GAB3: variants seen among roughly 807,000 people sequenced by gnomAD.
GAB3 encodes the protein GRB2 associated binding protein 3.
In GAB3, 12 loss-of-function variants were observed where a neutral mutation model predicts 40.4. The observed-to-expected ratio is 0.30, with a 90% CI of 0.19 to 0.48. The LOEUF is 0.48. GAB3 is among the 20% of genes least tolerant of loss of function. The probability of loss-of-function intolerance (pLI) is 0.99; values close to 1 mark genes in which losing one functional copy is unlikely to be tolerated. For synonymous variants in GAB3, 154 were observed against 176.7 expected, an observed-to-expected ratio of 0.87 and a Z score of 1.02; for missense variants, 381 against 461.9, an observed-to-expected ratio of 0.82 and a Z score of 1.61.
chrX:154,687,561 G>A (rs1395318032), intron 8 of GAB3, among the ~76,000 whole-genome samples: 1 of 105,710 alleles, frequency 9.5e-6, no homozygotes, highest in Non-Finnish European at 2.0e-5. Context: ...ATGAACCTGG[G>A]GGGCGGAGCT....
In GAB3 at chrX:154,738,777, G is replaced by A. The variant is rs190313391; in HGVS notation, c.72+12177C>T. On this transcript the variant is annotated intron_variant, in intron 1 of 9. Transcript: ENST00000424127. The stretch of plus-strand genomic sequence containing the variant: ...CCCTGGACTAAGTCGCCTTGCCTAG[G>A]AAAGATTTTTTTAAAAAGGATATCT... Among the ~76,000 whole-genome samples the A allele has an allele frequency of 7.3e-4, 82 of 112,080 alleles. 3 individuals are homozygous for A. The East Asian group carries it at 0.01, about 14-fold the overall frequency.
intron 2 of GAB3, among the ~76,000 whole-genome samples, chrX:154,714,568 G>A (rs1317923724): frequency 1.8e-5 from 2 of 111,801 alleles, no homozygotes; most frequent in African/African-American, 3.3e-5. Flanking sequence ...AAACTGAGGC[G>A]GGGGGCTACA....
intron 4 of GAB3, among the ~76,000 whole-genome samples, chrX:154,710,131 G>GTGCACCT (rs1239690031): frequency 9.0e-6 from 1 of 111,486 alleles, no homozygotes; most frequent in East Asian, 2.8e-4. Context: ...CCTTGAATAT[G>GTGCACCT]TGCAATCTTT....
At chrX:154,713,742 CATATATATATATAT>C (rs59885867) in intron 2 of GAB3, among the ~76,000 whole-genome samples, 1,928 of 19,647 alleles carry the variant, frequency 0.098, 91 homozygotes, top group Middle Eastern at 0.25. Flanking sequence ...AACTAACAAA[CATATATATATATAT>C]ATATATATAT....
At chrX:154,721,611 C>T (rs1557258712) in intron 1 of GAB3, among the ~76,000 whole-genome samples, 2 of 112,405 alleles carry the variant, frequency 1.8e-5, no homozygotes, top group Non-Finnish European at 3.8e-5. Flanking sequence ...GTTTCCAACA[C>T]ATGAACTTTG....
At chrX:154,723,239 T>C (rs187133227) in intron 1 of GAB3, among the ~76,000 whole-genome samples, 1 of 112,317 alleles carries the variant, frequency 8.9e-6, no homozygotes, top group African/African-American at 3.2e-5. Flanking sequence ...AGGGCACATT[T>C]GTGGATTCAT....
At chrX:154,679,633 T>G (rs1305905475) in intron 9 of GAB3, among the ~76,000 whole-genome samples, 2 of 111,939 alleles carry the variant, frequency 1.8e-5, no homozygotes, top group Admixed American at 1.9e-4. Context: ...CAATTAATCC[T>G]CACAACAGCC....
Position 154,693,831 on chromosome X carries a change from A to C in GAB3, c.1530+2086T>G, listed in dbSNP as rs2070609178. On this transcript the variant is annotated intron_variant, in intron 8 of 9. Coordinates refer to ENST00000424127, the MANE Select transcript of GAB3 (RefSeq NM_001081573.3). ...TAGAACTCTACTATAAAAGCCTTAC[A>C]AAGCTGTTGAAATCAAAGGGCTTGA... Among the ~76,000 whole-genome samples, 3 of 112,325 alleles carry C rather than the reference A, an allele frequency of 2.7e-5. 1 individual carries two copies. The highest frequency in any genetic ancestry group is 5.6e-5 in the Non-Finnish European group (3 of 53,293).
chrX:154,726,589 C>T (rs1189416501), intron 1 of GAB3, among the ~76,000 whole-genome samples: 2 of 111,883 alleles, frequency 1.8e-5, no homozygotes, highest in Non-Finnish European at 3.8e-5. Context: ...ATTATGTTTC[C>T]AATCTGGATC....
At chrX:154,736,356 A>G (rs1205593366) in intron 1 of GAB3, among the ~76,000 whole-genome samples, 1 of 112,465 alleles carries the variant, frequency 8.9e-6, no homozygotes, top group African/African-American at 3.2e-5. Context: ...TTTAAGCATT[A>G]AGCATCAGTG....
At chrX:154,696,178 C>A (rs969419430) in intron 7 of GAB3, 159 bp from the exon 8 acceptor site, 1 of 330,313 alleles carries the variant, frequency 3.0e-6, no homozygotes, top group Non-Finnish European at 5.4e-6. Context: ...AAATGCCCAA[C>A]AGTTTCTGCT....
intron 8 of GAB3, among the ~76,000 whole-genome samples, chrX:154,682,040 A>G (rs1476595284): frequency 4.5e-5 from 5 of 112,057 alleles, no homozygotes; most frequent in Non-Finnish European, 7.5e-5. Flanking sequence ...ATGTCTTTCA[A>G]TAAGTTTTAA....
intron 4 of GAB3, among the ~76,000 whole-genome samples, chrX:154,703,205 G>A (rs782182310): frequency 3.6e-5 from 4 of 112,120 alleles, no homozygotes; most frequent in Admixed American, 9.4e-5. Context: ...GCACGCATAT[G>A]TTCATTTCAG....
At chrX:154,708,379 G>A (rs940307690) in intron 4 of GAB3, among the ~76,000 whole-genome samples, 3 of 111,802 alleles carry the variant, frequency 2.7e-5, no homozygotes, top group Non-Finnish European at 5.6e-5. Context: ...ATAAACAAGC[G>A]GAGCTACATC....
chrX:154,707,167 CA>C (rs1276649815), intron 4 of GAB3, among the ~76,000 whole-genome samples: 4 of 111,236 alleles, frequency 3.6e-5, no homozygotes, highest in African/African-American at 1.3e-4. Flanking sequence ...CTCATGAACA[CA>C]GATTTTTTTT....
intron 2 of GAB3, among the ~76,000 whole-genome samples, chrX:154,715,603 C>G (rs1392307883): frequency 3.6e-5 from 4 of 111,815 alleles, no homozygotes; most frequent in African/African-American, 1.3e-4. Context: ...CAAGTTCTCT[C>G]TTTCTACCAT....
intron 1 of GAB3, among the ~76,000 whole-genome samples, chrX:154,718,877 C>T (rs1380934078): frequency 1.8e-5 from 2 of 112,200 alleles, no homozygotes; most frequent in Non-Finnish European, 3.8e-5. Context: ...ACAAGTTTCA[C>T]ATTAACCGCT....
At chrX:154,713,075 C>A in intron 3 of GAB3, 132 bp downstream of exon 3, 1 of 528,929 alleles carries the variant, frequency 1.9e-6, no homozygotes, top group Admixed American at 2.9e-5. Context: ...CTAGAAAATG[C>A]TACCACTAAA....
chrX:154,748,767 T>C (rs2071565805), intron 1 of GAB3, among the ~76,000 whole-genome samples: 1 of 112,098 alleles, frequency 8.9e-6, no homozygotes, highest in African/African-American at 3.2e-5. Context: ...TGGAATCAAG[T>C]CTTTTTTTTC....
Sources: gnomAD v4.1 joint callset for allele counts (sites outside exome capture counted in the v4.1 genomes callset) on GRCh38, gnomAD v4.1.1 for gene constraint, MANE v1.5 for transcripts, NCBI Gene and HGNC (gene_info 2026-07-23, HGNC 2026-07-21) for gene names.